Variants in FNDC3B observed in about 807,000 individuals in gnomAD.
FNDC3B encodes the protein fibronectin type III domain-containing protein 3B.
In FNDC3B, 12 loss-of-function variants were observed where a neutral mutation model predicts 151.5. The observed-to-expected ratio is 0.08, with a 90% CI of 0.05 to 0.13. The LOEUF (loss-of-function observed/expected upper bound fraction) is 0.13. Among genes scored for constraint, FNDC3B ranks in the 10% least tolerant of loss-of-function variants. The pLI is 1.00. For missense variants in FNDC3B, 1,214 were observed against 1,505.3 expected (o/e 0.81, Z 3.20); for synonymous variants, 528 against 549.0 (o/e 0.96, Z 0.54).
chr3:172,287,606 C>T (rs73880141), intron 7 of FNDC3B, among the ~76,000 whole-genome samples: 13,373 of 152,130 alleles, frequency 0.088, 711 homozygotes, highest in South Asian at 0.15. Context: ...GGCAGAGCAG[C>T]GGGTTCACTC....
intron 19 of FNDC3B, chr3:172,346,054 A>C (rs1044071962): frequency 5.0e-6 from 1 of 201,278 alleles, no homozygotes; most frequent in Non-Finnish European, 9.9e-6. Flanking sequence ...TTTTTATTTC[A>C]TGTCCCAAGA....
chr3:172,241,260 A>G (rs2108761962), intron 4 of FNDC3B, among the ~76,000 whole-genome samples: 1 of 152,318 alleles, frequency 6.6e-6, no homozygotes, highest in East Asian at 1.9e-4. Context: ...GGGCTACCAT[A>G]ACAGAATACC....
rs751401387 is a variant in FNDC3B at position 172,329,116 on chromosome 3, A to G, written c.1379+40A>G. ...TGTCCTCTTGCCCTTCAGCCTTTGG[A>G]TGGTGATCCTGAGCCTTCTTTTACA... On this transcript the variant is annotated intron_variant, in intron 12 of 25. Transcript: ENST00000415807. 2.5e-6 allele frequency: 4 copies of G among 1,579,750 alleles called. No individual in the cohort carries two copies. The East Asian group carries it at 6.9e-5, about 27-fold the overall frequency.
chr3:172,101,033 T>C (rs943683893), intron 1 of FNDC3B, among the ~76,000 whole-genome samples: 3 of 152,228 alleles, frequency 2.0e-5, no homozygotes, highest in Non-Finnish European at 4.4e-5. Flanking sequence ...CTTTTCCTTA[T>C]AATGAATGTT....
In FNDC3B at chr3:172,141,938, A is replaced by G. The variant is rs189146123; in HGVS notation, c.187+8392A>G. Among the ~76,000 whole-genome samples the G allele has an allele frequency of 1.1e-4, 16 of 152,350 alleles. No individual in the cohort carries two copies. The East Asian group carries it at 1.9e-3, about 18-fold the overall frequency. ...GCAGTACCAAGAAGCAGTCAGGGCT[A>G]TATATTGGGAAGATCATTATAGATT... is the stretch of plus-strand genomic sequence containing the variant. On this transcript the variant is annotated intron_variant, in intron 3 of 25. Transcript: ENST00000415807.
At chr3:172,392,378 G>C (rs546195670) in intron 25 of FNDC3B, among the ~76,000 whole-genome samples, 6 of 152,198 alleles carry the variant, frequency 3.9e-5, no homozygotes, top group Non-Finnish European at 2.9e-5. Context: ...GTAGTAAACA[G>C]AATTGGTTGT....
intron 8 of FNDC3B, among the ~76,000 whole-genome samples, chr3:172,296,469 T>A (rs1203643235): frequency 6.6e-6 from 1 of 152,158 alleles, no homozygotes; most frequent in African/African-American, 2.4e-5. Flanking sequence ...CTACCTCCAC[T>A]GTCTCTTCCC....
intron 3 of FNDC3B, among the ~76,000 whole-genome samples, chr3:172,222,149 T>C (rs894191711): frequency 2.6e-5 from 4 of 152,256 alleles, no homozygotes; most frequent in African/African-American, 9.6e-5. Flanking sequence ...TTGCAGCTAA[T>C]GGCTATTGTT....
chr3:172,388,698 G>A (rs1159910475), intron 25 of FNDC3B, among the ~76,000 whole-genome samples: 2 of 152,140 alleles, frequency 1.3e-5, no homozygotes, highest in African/African-American at 2.4e-5. Context: ...GTAAGTGTCC[G>A]TGGCCATGTC....
chr3:172,134,982 G>A (rs1327573386), intron 3 of FNDC3B, among the ~76,000 whole-genome samples: 23 of 146,974 alleles, frequency 1.6e-4, no homozygotes, highest in Middle Eastern at 6.9e-3. Context: ...CTACAACCCT[G>A]TATCTTAAAA....
At chr3:172,171,677 A>C (rs4450850) in intron 3 of FNDC3B, among the ~76,000 whole-genome samples, 111,707 of 149,176 alleles carry the variant, frequency 0.75, 42,081 homozygotes, top group Middle Eastern at 0.79. Context: ...CAGCTGAGCA[A>C]AAACAGCATG....
At chr3:172,348,768 A>G (rs1263191712) in intron 21 of FNDC3B, among the ~76,000 whole-genome samples, 1 of 152,204 alleles carries the variant, frequency 6.6e-6, no homozygotes, top group Non-Finnish European at 1.5e-5. Context: ...GAGTAGAAAT[A>G]TATTTTCAAA....
At chr3:172,139,531 C>A (rs1023065243) in intron 3 of FNDC3B, among the ~76,000 whole-genome samples, 8 of 152,018 alleles carry the variant, frequency 5.3e-5, no homozygotes, top group Non-Finnish European at 1.0e-4. Flanking sequence ...AAATTTGCAA[C>A]CAGTTTTTTG....
chr3:172,210,671 T>C (rs560633294), intron 3 of FNDC3B, among the ~76,000 whole-genome samples: 3 of 152,170 alleles, frequency 2.0e-5, no homozygotes. Flanking sequence ...TGCACTTTTG[T>C]AGTATTTTGT....
chr3:172,372,411 T>C (rs1302148605), intron 23 of FNDC3B, among the ~76,000 whole-genome samples: 1 of 152,208 alleles, frequency 6.6e-6, no homozygotes, highest in East Asian at 1.9e-4. Flanking sequence ...CCTGAACTCA[T>C]ACTAAAATGA....
chr3:172,162,950 A>G (rs1336573895), intron 3 of FNDC3B, among the ~76,000 whole-genome samples: 1 of 152,196 alleles, frequency 6.6e-6, no homozygotes, highest in African/African-American at 2.4e-5. Flanking sequence ...TGTCACACAT[A>G]CATAAGAATG....
chr3:172,299,827 CT>C (rs1328199526), intron 9 of FNDC3B, among the ~76,000 whole-genome samples: 4 of 152,004 alleles, frequency 2.6e-5, no homozygotes, highest in Admixed American at 2.0e-4. Context: ...TGGTTCTGCC[CT>C]GAACGGGCTG....
At position 172,359,977 on chromosome 3, in the gene FNDC3B, T is replaced by C. The variant is rs115675834; in HGVS notation, c.2796-2656T>C. ...GCTGTAAACATTTGTGTGCAGGTTT[T>C]TGTGTGAACATAAATATTAATTTTT... On this transcript the variant is annotated intron_variant, in intron 22 of 25. Coordinates refer to ENST00000415807, the MANE Select transcript of FNDC3B (RefSeq NM_022763.4). Among the ~76,000 whole-genome samples, 809 of 152,304 alleles carry C rather than the reference T, an allele frequency of 5.3e-3. 7 individuals carry two copies. Among genetic ancestry groups the C allele is most frequent in the African/African-American group, 0.018 (752 of 41,574 alleles).
At chr3:172,301,420 G>A (rs1405199871) in intron 9 of FNDC3B, among the ~76,000 whole-genome samples, 1 of 152,092 alleles carries the variant, frequency 6.6e-6, no homozygotes, top group Non-Finnish European at 1.5e-5. Flanking sequence ...CTTAGTTCTG[G>A]GAATGTAAGC....
Sources: allele counts gnomAD v4.1 joint callset (sites outside exome capture counted in the v4.1 genomes callset), GRCh38; gene constraint gnomAD v4.1.1; transcripts MANE v1.5; gene names NCBI Gene and HGNC (gene_info 2026-07-23, HGNC 2026-07-21).